NGLY1: variants seen among roughly 807,000 people sequenced by gnomAD.
NGLY1 encodes peptide-N(4)-(N-acetyl-beta-glucosaminyl)asparagine amidase.
A neutral mutation model predicts 84.6 loss-of-function variants in NGLY1; 68 were observed. The ratio of observed to expected loss-of-function variants is 0.80; its 90% CI spans 0.66 to 0.98. NGLY1 has a LOEUF of 0.98. NGLY1 is among the 50% of genes least tolerant of loss of function. NGLY1 has a pLI of 0.00. For synonymous variants in NGLY1, 280 were observed against 275.2 expected, an observed-to-expected ratio of 1.02 and a Z score of -0.17; for missense variants, 779 against 770.2, an observed-to-expected ratio of 1.01 and a Z score of -0.14.
intron 2 of NGLY1, among the ~76,000 whole-genome samples, chr3:25,767,964 T>C (rs1355599795): frequency 1.4e-5 from 2 of 146,924 alleles, no homozygotes; most frequent in East Asian, 4.1e-4. Context: ...AACACAAAAA[T>C]TAGCTGGGCG....
At chr3:25,768,683 C>A (rs1395600775) in intron 2 of NGLY1, among the ~76,000 whole-genome samples, 3 of 150,440 alleles carry the variant, frequency 2.0e-5, no homozygotes, top group Admixed American at 6.7e-5. Context: ...GTAGCTGGGA[C>A]TACAGGCGCC....
chr3:25,783,642 G>A (rs1708532556), upstream of NGLY1: 1 of 298,202 alleles, frequency 3.4e-6, no homozygotes, highest in Admixed American at 5.4e-5. The surrounding 1 kb of genome is among the most constrained non-coding windows in gnomAD (Gnocchi z 4.5). Flanking sequence ...CCGGGGCCAG[G>A]AGCGGGGGAG....
rs544894768 is a variant in NGLY1 at position 25,728,938 on chromosome 3, T to C, written c.1611+195A>G. Among the ~76,000 whole-genome samples the C allele has an allele frequency of 9.2e-5, 14 of 152,242 alleles. 1 individual carries two copies. The South Asian group carries it at 2.9e-3, about 32-fold the overall frequency. ...CTCTTTGATGAAAACAGATACTTCC[T>C]TGATATAAATGCAAGAATTTCTAGT... On this transcript the variant is annotated intron_variant, in intron 10 of 11. Transcript: ENST00000280700.
At chr3:25,739,862 TA>T in intron 4 of NGLY1, 63 bp from the exon 5 acceptor site, 1 of 1,221,500 alleles carries the variant, frequency 8.2e-7, no homozygotes, top group Non-Finnish European at 1.2e-6. Context: ...TATCCAAACA[TA>T]TTTATTCTCA....
chr3:25,749,911 T>C lies in NGLY1; in HGVS notation c.658+1187A>G, dbSNP rs1706640606. The C allele has an allele frequency of 6.8e-6, 5 of 736,000 alleles. 1 individual carries two copies. The highest frequency in any genetic ancestry group is 1.1e-5 in the Non-Finnish European group (5 of 435,046). 45.6% of individuals were successfully genotyped at this position (736,000 alleles called of 1,614,324 possible). A position where few individuals can be genotyped will look rare whatever the true frequency, so the allele number is the denominator to read the frequency against. The stretch of plus-strand genomic sequence containing the variant: ...AAAATGAGTAGACAGCTCATGTGCA[T>C]GTTTTGTGTTTAAATAAAACTGTAA... On this transcript the variant is annotated intron_variant, in intron 4 of 11. Coordinates refer to ENST00000280700, the MANE Select transcript of NGLY1 (RefSeq NM_018297.4).
In NGLY1 at chr3:25,730,882, T is replaced by G. The variant is rs550272450; in HGVS notation, c.1425+1437A>C. Reference sequence around the variant, plus strand: ...ATGAGTTATTTTTCTTTCAAGCATTTTTCATTGCATATTTCCTAAACATTT... The same window carrying G: ...ATGAGTTATTTTTCTTTCAAGCATTGTTCATTGCATATTTCCTAAACATTT... On this transcript the variant is annotated intron_variant, in intron 9 of 11. Transcript: ENST00000280700. Among the ~76,000 whole-genome samples the G allele has an allele frequency of 2.0e-5, 3 of 152,172 alleles. No individual in the cohort carries two copies. In the East Asian group the frequency reaches 5.8e-4, roughly 29 times the overall value.
chr3:25,736,221 A>C (rs1575618748), intron 6 of NGLY1, 72 bp from the exon 7 acceptor site: 1 of 1,574,238 alleles, frequency 6.4e-7, no homozygotes, highest in Non-Finnish European at 8.6e-7. Context: ...ATAACTATAC[A>C]CAAACTCCTA....
intron 2 of NGLY1, among the ~76,000 whole-genome samples, chr3:25,776,285 CT>C (rs1708151186): frequency 6.6e-6 from 1 of 152,188 alleles, no homozygotes; most frequent in Non-Finnish European, 1.5e-5. Context: ...GAATGGCTGG[CT>C]ACCCTACTTG....
chr3:25,774,154 T>C (rs1381981207), intron 2 of NGLY1, among the ~76,000 whole-genome samples: 2 of 152,234 alleles, frequency 1.3e-5, no homozygotes, highest in African/African-American at 2.4e-5. Context: ...GCCAGGATGT[T>C]ACAGGTGGTG....
intron 4 of NGLY1, chr3:25,749,387 G>T: frequency 1.4e-6 from 1 of 694,750 alleles, no homozygotes; most frequent in South Asian, 1.6e-5. Flanking sequence ...TGCAAAATGT[G>T]ATATATACAT....
At chr3:25,774,190 T>G (rs995017315) in intron 2 of NGLY1, among the ~76,000 whole-genome samples, 1 of 152,244 alleles carries the variant, frequency 6.6e-6, no homozygotes, top group East Asian at 1.9e-4. Flanking sequence ...TTCTCTTTTC[T>G]TGGGGCAGAG....
At chr3:25,723,397 C>T (rs1027750927) in intron 10 of NGLY1, among the ~76,000 whole-genome samples, 2 of 152,130 alleles carry the variant, frequency 1.3e-5, no homozygotes, top group Non-Finnish European at 2.9e-5. Flanking sequence ...TGTTAAAGAA[C>T]AGTATATGGA....
At chr3:25,733,419 T>C (rs1050446059) in intron 8 of NGLY1, among the ~76,000 whole-genome samples, 3 of 151,844 alleles carry the variant, frequency 2.0e-5, no homozygotes, top group African/African-American at 4.8e-5. Flanking sequence ...GAAGTAGTCA[T>C]TGTTAATAAC....
intron 2 of NGLY1, among the ~76,000 whole-genome samples, chr3:25,767,684 T>G (rs1384845145): frequency 6.6e-6 from 1 of 152,140 alleles, no homozygotes; most frequent in Admixed American, 6.5e-5. Context: ...TAATATACAG[T>G]TGAAAATTTT....
At chr3:25,756,542 T>A (rs375585560) in intron 3 of NGLY1, among the ~76,000 whole-genome samples, 3 of 152,226 alleles carry the variant, frequency 2.0e-5, no homozygotes, top group African/African-American at 7.2e-5. Context: ...AACTCTACCA[T>A]ATTTCACATT....
Position 25,766,144 on chromosome 3 carries a change from C to T in NGLY1, c.247-1833G>A, listed in dbSNP as rs1255468040. Among the ~76,000 whole-genome samples, 181 of 151,648 alleles carry T rather than the reference C, an allele frequency of 1.2e-3. 3 individuals carry two copies. The highest frequency in any genetic ancestry group is 0.012 in the Admixed American group (180 of 15,202). On this transcript the variant is annotated intron_variant, in intron 2 of 11. Coordinates refer to ENST00000280700, the MANE Select transcript of NGLY1 (RefSeq NM_018297.4). ...GCAGTGGTGTGATCTCGGCTCACTG[C>T]AACCTCCACCTCCCAGGTTCAAGCA...
chr3:25,750,016 C>T (rs558312068), intron 4 of NGLY1: 20 of 520,930 alleles, frequency 3.8e-5, no homozygotes, highest in African/African-American at 3.1e-4. Flanking sequence ...TCTTATGCTG[C>T]TATGATGAAA....
At chr3:25,778,227 C>T in intron 2 of NGLY1, 1 of 157,876 alleles carries the variant, frequency 6.3e-6, no homozygotes, top group Non-Finnish European at 1.4e-5. Flanking sequence ...TTTCCTACTA[C>T]AGACAGGTAG....
Position 25,776,478 on chromosome 3 carries a change from G to GT in NGLY1, c.246+2095dup, listed in dbSNP as rs552143893. 2.1e-3 allele frequency among the ~76,000 whole-genome samples: 313 copies of GT among 152,260 alleles called. 2 individuals are homozygous for GT. The highest frequency in any genetic ancestry group is 7.1e-3 in the African/African-American group (295 of 41,532). Reference sequence around the variant, plus strand: ...AAATTCTTTATGTTCGGATACCTTTGTATCATCTATAATCAGATGACACCA... The same window carrying GT: ...AAATTCTTTATGTTCGGATACCTTTGTTATCATCTATAATCAGATGACACCA... On this transcript the variant is annotated intron_variant, in intron 2 of 11. Transcript: ENST00000280700.
Sources: gnomAD v4.1 joint callset for allele counts (sites outside exome capture counted in the v4.1 genomes callset) on GRCh38, gnomAD v4.1.1 for gene constraint, Gnocchi (gnomAD v3.1) non-coding constraint, MANE v1.5 for transcripts, NCBI Gene and HGNC (gene_info 2026-07-23, HGNC 2026-07-21) for gene names.